The following ATRNL1 variants were observed in gnomAD, a reference collection of about 807,000 sequenced individuals.
ATRNL1 encodes attractin like 1, also known as attractin-like protein 1.
A neutral mutation model predicts 182.7 loss-of-function variants in ATRNL1; 95 were observed. That is an observed-to-expected ratio of 0.52 (90% CI 0.44 to 0.62). ATRNL1 has a LOEUF of 0.62. Ranked by LOEUF, ATRNL1 falls within the 20% of genes least tolerant of loss-of-function variation. ATRNL1 has a pLI of 0.00. For missense variants in ATRNL1, 1,471 were observed against 1,679.5 expected, an observed-to-expected ratio of 0.88 and a Z score of 2.17; for synonymous variants, 576 against 568.3, an observed-to-expected ratio of 1.01 and a Z score of -0.19.
At chr10:115,328,886 A>G (rs1461670788) in intron 18 of ATRNL1, among the ~76,000 whole-genome samples, 1 of 151,938 alleles carries the variant, frequency 6.6e-6, no homozygotes, top group Non-Finnish European at 1.5e-5. Context: ...GGTTGATCCT[A>G]TATTTTGGTT....
intron 8 of ATRNL1, among the ~76,000 whole-genome samples, chr10:115,188,220 T>A (rs1404568287): frequency 6.6e-6 from 1 of 152,132 alleles, no homozygotes; most frequent in Non-Finnish European, 1.5e-5. Flanking sequence ...TTGAAATTAT[T>A]TGCAAATAAA....
intron 8 of ATRNL1, among the ~76,000 whole-genome samples, chr10:115,176,250 G>A (rs1319226267): frequency 2.0e-5 from 3 of 152,082 alleles, no homozygotes; most frequent in Non-Finnish European, 4.4e-5. Context: ...CTTCCATTCT[G>A]TAGGTTGCCT....
intron 5 of ATRNL1, among the ~76,000 whole-genome samples, chr10:115,147,870 A>C (rs1846041595): frequency 6.6e-6 from 1 of 152,088 alleles, no homozygotes; most frequent in African/African-American, 2.4e-5. Flanking sequence ...ATAGCCTTGT[A>C]ATATATTTTG....
intron 7 of ATRNL1, among the ~76,000 whole-genome samples, chr10:115,167,437 AT>A (rs1408005136): frequency 1.3e-5 from 2 of 152,070 alleles, no homozygotes; most frequent in African/African-American, 4.8e-5. Flanking sequence ...TTCTGCAAAA[AT>A]GTTGGGGTTT....
At chr10:115,099,604 A>G (rs1185222646) in intron 1 of ATRNL1, among the ~76,000 whole-genome samples, 2 of 152,160 alleles carry the variant, frequency 1.3e-5, no homozygotes, top group East Asian at 1.9e-4. Flanking sequence ...AATACTTGGT[A>G]TGGTTAGTCT....
chr10:115,816,523 C>T (rs1950168813), intron 27 of ATRNL1, among the ~76,000 whole-genome samples: 1 of 151,994 alleles, frequency 6.6e-6, no homozygotes. Context: ...TAGCCAATGT[C>T]TTATCATCAG....
At chr10:115,677,131 G>T (rs551787559) in intron 26 of ATRNL1, among the ~76,000 whole-genome samples, 1 of 152,128 alleles carries the variant, frequency 6.6e-6, no homozygotes, top group South Asian at 2.1e-4. Context: ...ATGAAAGAAT[G>T]AATAAAAGAA....
chr10:115,345,386 G>A (rs1855931162), intron 19 of ATRNL1, among the ~76,000 whole-genome samples: 1 of 152,174 alleles, frequency 6.6e-6, no homozygotes, highest in African/African-American at 2.4e-5. Context: ...TAGCAGGACA[G>A]CAGTGAGTTC....
Position 115,706,463 on chromosome 10 carries a change from G to A in ATRNL1, c.3796-20785G>A, listed in dbSNP as rs532190641. ...AACTTGCACAGATTCTAGAGATTAG[G>A]ACCTGGAGATTTTTTGGGGGTGGGC... On this transcript the variant is annotated intron_variant, in intron 26 of 28. Coordinates refer to ENST00000355044, the MANE Select transcript of ATRNL1 (RefSeq NM_207303.4). Among the ~76,000 whole-genome samples the A allele has an allele frequency of 1.2e-3, 176 of 151,876 alleles. 1 individual carries two copies. The highest frequency in any genetic ancestry group is 4.2e-3 in the African/African-American group (173 of 41,500).
intron 5 of ATRNL1, among the ~76,000 whole-genome samples, chr10:115,152,333 C>T (rs548839111): frequency 1.3e-5 from 2 of 152,258 alleles, no homozygotes; most frequent in East Asian, 1.9e-4. Flanking sequence ...GATGTTGATT[C>T]TCCCTGTCCA....
chr10:115,753,013 C>A (rs916987233), intron 27 of ATRNL1, among the ~76,000 whole-genome samples: 5 of 151,976 alleles, frequency 3.3e-5, no homozygotes, highest in Non-Finnish European at 7.4e-5. Context: ...AGTGGCATGA[C>A]ACTAGGTGAA....
intron 28 of ATRNL1, among the ~76,000 whole-genome samples, chr10:115,907,164 T>C (rs1952529369): frequency 6.6e-6 from 1 of 152,256 alleles, no homozygotes; most frequent in Non-Finnish European, 1.5e-5. Context: ...GAGCTCATCA[T>C]TGCTTTGCTT....
In ATRNL1 at chr10:115,203,470, G is replaced by A. The variant is rs74159841; in HGVS notation, c.1349-12227G>A. Among the ~76,000 whole-genome samples the A allele has an allele frequency of 7.2e-3, 1,099 of 151,980 alleles. 15 individuals are homozygous for A. Among genetic ancestry groups the A allele is most frequent in the African/African-American group, 0.025 (1,051 of 41,484 alleles). ...AAGCTAGGAAATAAGCCCATGATCTGGTCATTTCTTGGTACATGATAAAGT... is the reference window on the plus strand; with the variant it reads ...AAGCTAGGAAATAAGCCCATGATCTAGTCATTTCTTGGTACATGATAAAGT... On this transcript the variant is annotated intron_variant, in intron 8 of 28. Coordinates refer to ENST00000355044, the MANE Select transcript of ATRNL1 (RefSeq NM_207303.4).
intron 25 of ATRNL1, among the ~76,000 whole-genome samples, chr10:115,548,280 T>G (rs990645448): frequency 6.6e-6 from 1 of 152,236 alleles, no homozygotes; most frequent in Non-Finnish European, 1.5e-5. Context: ...GGATAGATGT[T>G]AAAATTGACA....
intron 26 of ATRNL1, among the ~76,000 whole-genome samples, chr10:115,679,168 C>T (rs781995757): frequency 1.3e-5 from 2 of 152,060 alleles, no homozygotes; most frequent in African/African-American, 2.4e-5. Context: ...CCTCTTTGGC[C>T]ATATCTGAAG....
intron 26 of ATRNL1, among the ~76,000 whole-genome samples, chr10:115,614,245 A>AT (rs1298419323): frequency 2.7e-5 from 4 of 150,832 alleles, no homozygotes; most frequent in Admixed American, 6.6e-5. Context: ...TTGTTTCAAG[A>AT]TTTTTTTTTC....
chr10:115,776,256 A>G (rs1949123233), intron 27 of ATRNL1, among the ~76,000 whole-genome samples: 1 of 152,220 alleles, frequency 6.6e-6, no homozygotes, highest in Admixed American at 6.5e-5. Context: ...CTCCAATTAT[A>G]TAAAGCGTAT....
At chr10:115,612,125 G>A (rs545790558) in intron 26 of ATRNL1, among the ~76,000 whole-genome samples, 6 of 152,176 alleles carry the variant, frequency 3.9e-5, no homozygotes, top group East Asian at 1.9e-4. Context: ...TGTGGCGGAC[G>A]CCTGTAATCC....
chr10:115,451,813 A>G (rs907036480), intron 21 of ATRNL1, among the ~76,000 whole-genome samples: 3 of 152,136 alleles, frequency 2.0e-5, no homozygotes, highest in East Asian at 1.9e-4. Context: ...GTGCACACAA[A>G]TGTCCACTGC....
Sources: allele counts gnomAD v4.1 joint callset (sites outside exome capture counted in the v4.1 genomes callset), GRCh38; gene constraint gnomAD v4.1.1; transcripts MANE v1.5; gene names NCBI Gene and HGNC (gene_info 2026-07-23, HGNC 2026-07-21).